The following PER1 variants were observed in gnomAD, a reference collection of about 807,000 sequenced individuals.
The protein encoded by PER1 is period circadian regulator 1.
PER1 carries 87 observed loss-of-function variants against 125.9 expected under a neutral mutation model. The ratio of observed to expected loss-of-function variants is 0.69; its 90% CI spans 0.58 to 0.83. PER1 has a LOEUF of 0.83. Ranked by LOEUF, PER1 falls within the 40% of genes least tolerant of loss-of-function variation. The pLI, the probability that PER1 is intolerant of heterozygous loss-of-function variation, is 0.00. For synonymous variants in PER1, 801 were observed against 714.7 expected (o/e 1.12, Z -1.93); for missense variants, 1,775 against 1,722.8 (o/e 1.03, Z -0.54).
Position 8,150,142 on chromosome 17 carries a change from G to T in PER1, c.375-17C>A. 6 of 1,612,950 alleles carry T rather than the reference G, an allele frequency of 3.7e-6. No individual in the cohort carries two copies. The highest frequency in any genetic ancestry group is 5.1e-6 in the Non-Finnish European group (6 of 1,179,018). On this transcript the variant is annotated splice_polypyrimidine_tract_variant and intron_variant, in intron 3 of 22. Transcript: ENST00000317276. ...TGTTCACTGCTGCGGGGCCCACAGGGAAGAAAGAGATAAAGACATTAGTCC... is the reference window on the plus strand; with the variant it reads ...TGTTCACTGCTGCGGGGCCCACAGGTAAGAAAGAGATAAAGACATTAGTCC...
chr17:8,146,569 G>C, intron 15 of PER1, 25 bp downstream of exon 15: 1 of 1,602,814 alleles, frequency 6.2e-7, no homozygotes, highest in Non-Finnish European at 8.5e-7. Context: ...AGCCCGAGGT[G>C]GAGAAGATGC....
Position 8,150,710 on chromosome 17 carries a change from T to C in PER1, c.-4A>G, listed in dbSNP as rs370993039. 2 of 1,543,242 alleles carry C rather than the reference T, an allele frequency of 1.3e-6. No individual in the cohort carries two copies. Among genetic ancestry groups the C allele is most frequent in the African/African-American group, 2.7e-5 (2 of 72,802 alleles). On this transcript the variant is annotated 5_prime_UTR_variant, in exon 2 of 23. Transcript: ENST00000317276. ...CCCCTTCTAGGGGGCCACTCATGTC[T>C]GGGCCATGGGGAGAACAGAACAGAG...
chr17:8,146,964 C>T lies in PER1; in HGVS notation c.1668G>A (p.Val556=), dbSNP rs1433691006. ...FQQICKDVHL[V]KHQGQQLFIE... ...TAAAAAGCTGCTGGCCCTGGTGCTT[C>T]ACCAGATGCACATCCTTACAGATCT... The change falls in exon 14 of 23, where the codon GTG becomes GTA. Residue 556 remains valine (V), a synonymous_variant. Transcript: ENST00000317276. The T allele has an allele frequency of 2.5e-6, 4 of 1,614,098 alleles. No homozygotes were observed. The highest frequency in any genetic ancestry group is 3.4e-6 in the Non-Finnish European group (4 of 1,180,002).
In PER1 at chr17:8,146,728, T is replaced by C. The variant is rs1488152951; in HGVS notation, c.1773A>G (p.Gln591=). The C allele has an allele frequency of 4.3e-6, 7 of 1,613,838 alleles. No individual in the cohort carries two copies. The highest frequency in any genetic ancestry group is 2.2e-5 in the South Asian group (2 of 91,064). ...GTFKAKALPC[Q]SPDPELEAGS... is the part of the protein sequence containing the mutation. ...CCGCCTCCAGCTCTGGGTCTGGGGA[T>C]TGGCAGGGAAGGGCCTTGGCCTTGA... is the stretch of plus-strand genomic sequence containing the variant. The change falls in exon 15 of 23, where the codon CAA becomes CAG. Residue 591 remains glutamine (Q), a synonymous_variant. Coordinates refer to ENST00000317276, the MANE Select transcript of PER1 (RefSeq NM_002616.3).
At chr17:8,145,672 A>G (rs745970254) in intron 17 of PER1, among the ~76,000 whole-genome samples, 2 of 152,070 alleles carry the variant, frequency 1.3e-5, no homozygotes, top group Admixed American at 6.5e-5. Context: ...GGGATGTTCA[A>G]TTTTCCTTGC....
At chr17:8,151,979 A>G (rs1213326293) in intron 1 of PER1, among the ~76,000 whole-genome samples, 2 of 152,236 alleles carry the variant, frequency 1.3e-5, no homozygotes, top group Non-Finnish European at 2.9e-5. Context: ...ACTGGAGAAC[A>G]GAGACACGGG....
Position 8,149,982 on chromosome 17 carries a change from T to G in PER1, c.518A>C (p.Lys173Thr). 1 of 1,613,572 alleles carries G rather than the reference T, an allele frequency of 6.2e-7. No individual in the cohort carries two copies. Among genetic ancestry groups the G allele is most frequent in the Non-Finnish European group, 8.5e-7 (1 of 1,179,524 alleles). ...GACACACCACTTACCCTGCACCTGC[T>G]TGACACAGGCCAGTGCGTACTGCAG... ...ATLQYALACV[K>T]QVQANQEYYQ... is the part of the protein sequence containing the mutation. Residue 173 changes from lysine (K) to threonine (T), a missense_variant, in exon 4 of 23, where the codon AAG becomes ACG. Transcript: ENST00000317276.
chr17:8,147,538 T>G lies in PER1; in HGVS notation c.1429A>C (p.Ser477Arg), dbSNP rs1245190327. The G allele has an allele frequency of 1.2e-6, 2 of 1,613,574 alleles. No individual in the cohort carries two copies. The highest frequency in any genetic ancestry group is 1.7e-6 in the Non-Finnish European group (2 of 1,179,828). The change falls in exon 12 of 23, where the codon AGC becomes CGC. Residue 477 changes from serine to arginine, a missense_variant. Ser to Arg is a moderately radical substitution (Grantham distance 110, BLOSUM62 -1). Transcript: ENST00000317276. ...TCAGTGTCCAGGGAGGGAGCTGGGC[T>G]GGGGGCCGGGGGAGTGAACACGTCC... is the stretch of plus-strand genomic sequence containing the variant. The part of the protein sequence containing the change: ...NEDVFTPPAP[S>R]PAPSLDTDIQ...
rs1424371974 is a variant in PER1 at position 8,147,578 on chromosome 17, C to G, written c.1389G>C (p.Thr463=). Residue 463 remains threonine, a splice_region_variant and synonymous_variant, in exon 12 of 23, where the codon ACG becomes ACC. Transcript: ENST00000317276. The part of the protein sequence containing the change: ...AFVLGRHKVR[T]APLNEDVFTP... Reference sequence around the variant, plus strand: ...TGAACACGTCCTCATTCAGGGGGGCCCTGTAGAGTGAAGAGTGAATCCAGC... The same window carrying G: ...TGAACACGTCCTCATTCAGGGGGGCGCTGTAGAGTGAAGAGTGAATCCAGC... The G allele has an allele frequency of 3.7e-6, 6 of 1,613,360 alleles. No homozygotes were observed. The highest frequency in any genetic ancestry group is 5.1e-6 in the Non-Finnish European group (6 of 1,179,622).
chr17:8,147,241 G>A lies in PER1; in HGVS notation c.1629+9C>T. On this transcript the variant is annotated intron_variant, in intron 13 of 22. Transcript: ENST00000317276. Reference sequence around the variant, plus strand: ...CGATTAGAGGGTGAGGTAGGAGCAGGTCACTCACTGGCGCAGGAGGCCCAG... The same window carrying A: ...CGATTAGAGGGTGAGGTAGGAGCAGATCACTCACTGGCGCAGGAGGCCCAG... The A allele has an allele frequency of 6.2e-7, 1 of 1,601,408 alleles. No individual in the cohort carries two copies.
intron 1 of PER1, among the ~76,000 whole-genome samples, chr17:8,151,546 C>T (rs571519973): frequency 1.5e-3 from 226 of 152,240 alleles, no homozygotes; most frequent in Admixed American, 3.8e-3. Context: ...TCCTGGCTTC[C>T]CCAGGACGAA....
chr17:8,151,212 G>C (rs1257057682), intron 1 of PER1, among the ~76,000 whole-genome samples: 1 of 152,240 alleles, frequency 6.6e-6, no homozygotes, highest in South Asian at 2.1e-4. Context: ...CCTATATTTA[G>C]GCCTCCAGGC....
chr17:8,141,463 C>T (rs1982074273), intron 22 of PER1, 123 bp from the exon 23 acceptor site: 2 of 1,148,710 alleles, frequency 1.7e-6, no homozygotes, highest in Non-Finnish European at 2.4e-6. Flanking sequence ...CACCAGTCCA[C>T]ACAGATGCAC....
rs1982813370 is a variant in PER1 at position 8,150,773 on chromosome 17, G to A, written c.-67C>T. ...CCACCACGGATGCACGAGGGGGCCT[G>A]GAGGCTTGGCTGAGGGAGTGAGGTG... On this transcript the variant is annotated 5_prime_UTR_variant, in exon 2 of 23. Coordinates refer to ENST00000317276, the MANE Select transcript of PER1 (RefSeq NM_002616.3). 1 of 1,436,404 alleles carries A rather than the reference G, an allele frequency of 7.0e-7. No homozygotes were observed. The highest frequency in any genetic ancestry group is 1.4e-5 in the African/African-American group (1 of 70,154). The allele number at this position is 1,436,404 out of a possible 1,614,324, so 89.0% of individuals were successfully genotyped here. A position where few individuals can be genotyped will look rare whatever the true frequency, so the allele number is the denominator to read the frequency against.
In PER1 at chr17:8,140,552, G is replaced by C. The variant is rs1262042861; in HGVS notation, c.*516C>G. 1 of 231,548 alleles carries C rather than the reference G, an allele frequency of 4.3e-6. No homozygotes were observed. The highest frequency in any genetic ancestry group is 8.6e-6 in the Non-Finnish European group (1 of 116,938). 14.3% of individuals were successfully genotyped at this position (231,548 alleles called of 1,614,324 possible). On this transcript the variant is annotated 3_prime_UTR_variant, in exon 23 of 23. Transcript: ENST00000317276. ...ACAAATGCCATCGGCAGAGGGTACAGCTGAGAACGCCTGGGTCCCACCTGA... is the reference window on the plus strand; with the variant it reads ...ACAAATGCCATCGGCAGAGGGTACACCTGAGAACGCCTGGGTCCCACCTGA...
intron 21 of PER1, 113 bp from the exon 22 acceptor site, chr17:8,142,068 A>C: frequency 7.1e-7 from 1 of 1,410,890 alleles, no homozygotes; most frequent in Non-Finnish European, 9.8e-7. Context: ...TCCTCCCCTA[A>C]ACTAGTGCTA....
At chr17:8,145,885 G>A (rs1982399678) in intron 17 of PER1, 73 bp downstream of exon 17, 1 of 1,495,234 alleles carries the variant, frequency 6.7e-7, no homozygotes. Flanking sequence ...AGAGGGGAGG[G>A]GAAAGGCAGG....
At position 8,144,798 on chromosome 17, in the gene PER1, C is replaced by T. The variant is rs1366958660; in HGVS notation, c.2414G>A (p.Arg805His). Residue 805 changes from arginine to histidine, a missense_variant, in exon 18 of 23, where the codon CGT becomes CAT. Coordinates refer to ENST00000317276, the MANE Select transcript of PER1 (RefSeq NM_002616.3). ...LSRFRDLGRL[R>H]GLDSSSTAPS... ...AGCTGTGGAAGAGCTGTCGAGTCCACGCAGCCTGCCCAGGTCTCGGAAGCG... is the reference window on the plus strand; with the variant it reads ...AGCTGTGGAAGAGCTGTCGAGTCCATGCAGCCTGCCCAGGTCTCGGAAGCG... The T allele has an allele frequency of 6.3e-6, 10 of 1,584,264 alleles. No individual in the cohort carries two copies. The East Asian group carries it at 1.4e-4, about 22-fold the overall frequency.
At position 8,143,755 on chromosome 17, in the gene PER1, G is replaced by T; in HGVS notation, c.2583C>A (p.Pro861=). 1 of 1,577,476 alleles carries T rather than the reference G, an allele frequency of 6.3e-7. No individual in the cohort carries two copies. Among genetic ancestry groups the T allele is most frequent in the Non-Finnish European group, 8.6e-7 (1 of 1,157,524 alleles). The change falls in exon 19 of 23, where the codon CCC becomes CCA. Residue 861 remains proline (P), a synonymous_variant. Coordinates refer to ENST00000317276, the MANE Select transcript of PER1 (RefSeq NM_002616.3). ...EAPCYVSHPS[P]VPPSTPWPTP... Reference sequence around the variant, plus strand: ...TGGGCCAGGGGGTGGAGGGTGGCACGGGTGAGGGGTGTGAGACATAGCAGG... The same window carrying T: ...TGGGCCAGGGGGTGGAGGGTGGCACTGGTGAGGGGTGTGAGACATAGCAGG...
Sources: allele counts gnomAD v4.1 joint callset (sites outside exome capture counted in the v4.1 genomes callset), GRCh38; gene constraint gnomAD v4.1.1; transcripts MANE v1.5; gene names NCBI Gene and HGNC (gene_info 2026-07-23, HGNC 2026-07-21).